ZBTB45: variants seen among roughly 807,000 people sequenced by gnomAD.
ZBTB45 encodes zinc finger and BTB domain containing 45.
In ZBTB45, 22 loss-of-function variants were observed where a neutral mutation model predicts 28.4. The ratio of observed to expected loss-of-function variants is 0.77; its 90% CI spans 0.55 to 1.10. The LOEUF is 1.10. Ranked by LOEUF, ZBTB45 falls within the 50% of genes least tolerant of loss-of-function variation. The pLI, the probability that ZBTB45 is intolerant of heterozygous loss-of-function variation, is 0.00. For missense variants in ZBTB45, 656 were observed against 750.2 expected, an observed-to-expected ratio of 0.87 and a Z score of 1.47; for synonymous variants, 361 against 332.3, an observed-to-expected ratio of 1.09 and a Z score of -0.94.
intron 1 of ZBTB45, among the ~76,000 whole-genome samples, chr19:58,526,685 C>A (rs2053609471): frequency 6.8e-6 from 1 of 148,080 alleles, no homozygotes; most frequent in Non-Finnish European, 1.5e-5. Context: ...GCGCCCGCCA[C>A]TACGCCCGGC....
intron 1 of ZBTB45, among the ~76,000 whole-genome samples, chr19:58,525,053 C>T (rs888673225): frequency 1.2e-4 from 19 of 152,276 alleles, no homozygotes; most frequent in African/African-American, 4.6e-4. Context: ...GGCAGGGCCC[C>T]TCTGACAGCA....
In ZBTB45 at chr19:58,517,162, C is replaced by G; in HGVS notation, c.512G>C (p.Arg171Pro). 1.2e-6 allele frequency: 2 copies of G among 1,611,094 alleles called. No homozygotes were observed. The highest frequency in any genetic ancestry group is 1.7e-6 in the Non-Finnish European group (2 of 1,179,058). ...PPGHPGAAHS[R>P]KQRQPARLQL... ...CAAACGCGCGGGCTGGCGCTGCTTACGGCTGTGTGCAGCACCGGGGTGCCC... is the reference window on the plus strand; with the variant it reads ...CAAACGCGCGGGCTGGCGCTGCTTAGGGCTGTGTGCAGCACCGGGGTGCCC... The change falls in exon 2 of 3, where the codon CGT (arginine) becomes CCT (proline). Residue 171 changes from arginine (R) to proline (P), a missense_variant. Around this residue, in one of 3 missense-constraint regions of ZBTB45, gnomAD observed 448 missense variants for 444.3 expected, o/e 1.01. Coordinates refer to ENST00000594051, the MANE Select transcript of ZBTB45 (RefSeq NM_001316979.2).
intron 1 of ZBTB45, among the ~76,000 whole-genome samples, chr19:58,532,987 A>C (rs917715439): frequency 2.0e-5 from 3 of 152,090 alleles, no homozygotes; most frequent in Non-Finnish European, 4.4e-5. Flanking sequence ...GGCATGTGCC[A>C]CCATGCCTGG....
At position 58,515,837 on chromosome 19, in the gene ZBTB45, C is replaced by A. The variant is rs1312579330; in HGVS notation, c.1279+558G>T. Among the ~76,000 whole-genome samples, 1 of 152,182 alleles carries A rather than the reference C, an allele frequency of 6.6e-6. No homozygotes were observed. Among genetic ancestry groups the A allele is most frequent in the African/African-American group, 2.4e-5 (1 of 41,430 alleles). On this transcript the variant is annotated intron_variant, in intron 2 of 2. Coordinates refer to ENST00000594051, the MANE Select transcript of ZBTB45 (RefSeq NM_001316979.2). The surrounding 1 kb of genome is among the most constrained non-coding windows in gnomAD (Gnocchi z 4.7). ...TGACACGGCCAAGGTCCGAGGGAAC[C>A]TCCCCACAGCTTTTCGGGGTCCTCT...
chr19:58,521,690 A>G (rs751333953), upstream of ZBTB45, among the ~76,000 whole-genome samples: 5 of 152,210 alleles, frequency 3.3e-5, no homozygotes, highest in Non-Finnish European at 7.3e-5. Flanking sequence ...TGAGAGTCCA[A>G]TAAATGCCAC....
At chr19:58,527,684 C>G (rs993020011) in intron 1 of ZBTB45, among the ~76,000 whole-genome samples, 1 of 152,168 alleles carries the variant, frequency 6.6e-6, no homozygotes, top group Non-Finnish European at 1.5e-5. Flanking sequence ...GCCTTGTTCT[C>G]CCAGCCGTCT....
At chr19:58,514,356 C>G in intron 2 of ZBTB45, 46 bp from the exon 3 acceptor site, 3 of 1,401,320 alleles carry the variant, frequency 2.1e-6, no homozygotes, top group Non-Finnish European at 2.8e-6. Flanking sequence ...GACTCTACAG[C>G]TCCCCGCCCC....
chr19:58,527,311 T>C (rs1479759835), intron 1 of ZBTB45, among the ~76,000 whole-genome samples: 3 of 152,158 alleles, frequency 2.0e-5, no homozygotes, highest in Non-Finnish European at 2.9e-5. Context: ...TAATTTCCCA[T>C]GTGCACAATT....
upstream of ZBTB45, among the ~76,000 whole-genome samples, chr19:58,522,250 C>A (rs1195430378): frequency 4.6e-5 from 7 of 151,930 alleles, no homozygotes; most frequent in Admixed American, 4.6e-4. Context: ...CAACCTCCGC[C>A]TCACAGGTTC....
chr19:58,513,861 G>A lies in ZBTB45; in HGVS notation c.*193C>T, dbSNP rs1398986882. On this transcript the variant is annotated 3_prime_UTR_variant, in exon 3 of 3. Transcript: ENST00000594051. ...CAGCCCCAGCCCGGCACCACCTGGA[G>A]GGTTCAAGTACATGGAGGAGAGGAG... 2 of 635,222 alleles carry A rather than the reference G, an allele frequency of 3.1e-6. No individual in the cohort carries two copies. The highest frequency in any genetic ancestry group is 4.7e-6 in the Non-Finnish European group (2 of 426,156). 39.3% of individuals were successfully genotyped at this position (635,222 alleles called of 1,614,324 possible).
chr19:58,533,983 G>C (rs1026034805), intron 1 of ZBTB45, among the ~76,000 whole-genome samples: 1 of 152,234 alleles, frequency 6.6e-6, no homozygotes, highest in African/African-American at 2.4e-5. Context: ...AAGCCAGACA[G>C]AGAAGTAAAG....
intron 1 of ZBTB45, among the ~76,000 whole-genome samples, chr19:58,534,410 T>C (rs1423586674): frequency 6.6e-6 from 1 of 152,028 alleles, no homozygotes; most frequent in African/African-American, 2.4e-5. Flanking sequence ...ATTATTATTT[T>C]TTGAGACAGA....
intron 1 of ZBTB45, among the ~76,000 whole-genome samples, chr19:58,527,561 C>A (rs866285809): frequency 6.6e-6 from 1 of 152,140 alleles, no homozygotes; most frequent in Non-Finnish European, 1.5e-5. Flanking sequence ...CTGTGCCACC[C>A]GGGTGTTGTG....
chr19:58,532,905 G>T (rs570529524), intron 1 of ZBTB45, among the ~76,000 whole-genome samples: 11 of 150,264 alleles, frequency 7.3e-5, no homozygotes, highest in Admixed American at 4.0e-4. Context: ...GCGTGAACTG[G>T]ACTCATTGCA....
At chr19:58,538,173 C>T (rs1020294787) in intron 1 of ZBTB45, among the ~76,000 whole-genome samples, 1 of 152,070 alleles carries the variant, frequency 6.6e-6, no homozygotes, top group Non-Finnish European at 1.5e-5. Flanking sequence ...CACACCTCGC[C>T]CTGTGCACTG....
At chr19:58,524,892 A>C (rs987117513) in intron 1 of ZBTB45, among the ~76,000 whole-genome samples, 4 of 151,936 alleles carry the variant, frequency 2.6e-5, no homozygotes, top group Non-Finnish European at 5.9e-5. Context: ...CAAAAAAAAA[A>C]AACAAAAAAA....
chr19:58,517,115 G>C lies in ZBTB45; in HGVS notation c.559C>G (p.Pro187Ala), dbSNP rs528344669. ...GCATCAGGCCCCTCAGCCTTGGCAG[G>C]TGTTGGGGGCGCTGGCAGCTGCAAA... The part of the protein sequence containing the change: ...ARLQLPAPPT[P>A]AKAEGPDADP... The change falls in exon 2 of 3, where the codon CCT becomes GCT. Residue 187 changes from proline to alanine, a missense_variant. Pro to Ala is a conservative substitution (Grantham distance 27). This residue lies in a region of ZBTB45 where 448 missense variants were observed against 444.3 expected (regional missense o/e 1.01). Transcript: ENST00000594051. 3.7e-6 allele frequency: 6 copies of C among 1,612,954 alleles called. No individual in the cohort carries two copies. In the Admixed American group the frequency reaches 5.0e-5, roughly 13 times the overall value.
chr19:58,526,555 G>T, intron 1 of ZBTB45, among the ~76,000 whole-genome samples: 1 of 119,042 alleles, frequency 8.4e-6, no homozygotes, highest in Admixed American at 9.2e-5. Context: ...TTTTTGAGAT[G>T]GAGTCTCGCT....
intron 1 of ZBTB45, among the ~76,000 whole-genome samples, chr19:58,531,039 G>A (rs1005264258): frequency 1.3e-5 from 2 of 152,168 alleles, no homozygotes; most frequent in African/African-American, 2.4e-5. Flanking sequence ...TTGCTGGATC[G>A]TGTTTAACTG....
Sources: gnomAD v4.1 joint callset for allele counts (sites outside exome capture counted in the v4.1 genomes callset) on GRCh38, gnomAD v4.1.1 for gene constraint, gnomAD v4.1.1 regional missense constraint, Gnocchi (gnomAD v3.1) non-coding constraint, MANE v1.5 for transcripts, NCBI Gene and HGNC (gene_info 2026-07-23, HGNC 2026-07-21) for gene names.